The following SECISBP2 variants were observed in gnomAD, a reference collection of about 807,000 sequenced individuals.
SECISBP2 encodes SECIS binding protein 2, also known as selenocysteine insertion sequence-binding protein 2.
Under a neutral mutation model 98.2 loss-of-function variants are expected in SECISBP2, and 96 were observed. That is an observed-to-expected ratio of 0.98 (90% CI 0.83 to 1.16). SECISBP2 has a LOEUF of 1.16. SECISBP2 is among the 50% of genes most tolerant of loss of function. The pLI is 0.00. For synonymous variants in SECISBP2, 407 were observed against 370.2 expected (o/e 1.10, Z -1.14); for missense variants, 1,046 against 1,022.9 (o/e 1.02, Z -0.31).
downstream of SECISBP2, chr9:89,364,591 T>C (rs986563306): frequency 6.3e-6 from 1 of 159,586 alleles, no homozygotes; most frequent in Admixed American, 5.7e-5. Context: ...GCCTTGAGCA[T>C]GGACTCTGGG....
Position 89,334,602 on chromosome 9 carries a change from T to G in SECISBP2, c.961T>G (p.Ser321Ala). The G allele has an allele frequency of 1.2e-6, 2 of 1,614,166 alleles. No homozygotes were observed. Among genetic ancestry groups the G allele is most frequent in the South Asian group, 2.2e-5 (2 of 91,084 alleles). The change falls in exon 7 of 17, where the codon TCT (serine) becomes GCT (alanine). Residue 321 changes from serine to alanine, a missense_variant. Ser to Ala is a moderately conservative substitution (Grantham distance 99). Transcript: ENST00000375807. ...GTCAGCAGCCCCTAAAAATGTTACT[T>G]CTATGATAAACTTAAAGACCATTGC... ...ELSAAPKNVT[S>A]MINLKTIASS...
chr9:89,357,828 C>T (rs193120360), intron 15 of SECISBP2, among the ~76,000 whole-genome samples, 171 bp from the exon 16 acceptor site: 2 of 152,280 alleles, frequency 1.3e-5, no homozygotes, highest in Admixed American at 1.3e-4. Flanking sequence ...AGAAGTCGGC[C>T]TAGCCCACTC....
intron 3 of SECISBP2, 64 bp from the exon 4 acceptor site, chr9:89,325,833 G>T (rs1416591712): frequency 1.0e-5 from 16 of 1,604,322 alleles, no homozygotes; most frequent in Non-Finnish European, 1.4e-5. Context: ...TTAATATTTT[G>T]CTGCTTTAAA....
chr9:89,335,722 CTT>C (rs1411907152), intron 7 of SECISBP2, among the ~76,000 whole-genome samples: 1 of 152,164 alleles, frequency 6.6e-6, no homozygotes, highest in African/African-American at 2.4e-5. Flanking sequence ...TGTACTTACA[CTT>C]TGAATAAAAA....
At chr9:89,347,165 T>C in intron 11 of SECISBP2, 117 bp downstream of exon 11, 1 of 1,068,282 alleles carries the variant, frequency 9.4e-7, no homozygotes, top group Non-Finnish European at 1.4e-6. Context: ...TTGAATATGT[T>C]GTAGTAAAAC....
In SECISBP2 at chr9:89,321,319, A is replaced by G. The variant is rs186380682; in HGVS notation, c.182+1522A>G. Among the ~76,000 whole-genome samples, 430 of 152,398 alleles carry G rather than the reference A, an allele frequency of 2.8e-3. 4 individuals carry two copies. Among genetic ancestry groups the G allele is most frequent in the African/African-American group, 9.7e-3 (403 of 41,604 alleles). ...ATGGCTAAAGGAACATTTTGGCAGTAACATGAGTGGAGACTAATCAGAGAC... is the reference window on the plus strand; with the variant it reads ...ATGGCTAAAGGAACATTTTGGCAGTGACATGAGTGGAGACTAATCAGAGAC... On this transcript the variant is annotated intron_variant, in intron 2 of 16. Transcript: ENST00000375807.
chr9:89,357,270 TCCTTGTATTTTCAGGGGCGTCTG>T, intron 14 of SECISBP2, 118 bp from the exon 15 acceptor site: 1 of 879,802 alleles, frequency 1.1e-6, no homozygotes, highest in South Asian at 1.4e-5. Flanking sequence ...ACTTGCTTTC[TCCTTGTATTTTCAGGGGCGTCTG>T]CCTTGGATAT....
chr9:89,340,494 A>G (rs1291578410), intron 9 of SECISBP2, among the ~76,000 whole-genome samples: 1 of 152,240 alleles, frequency 6.6e-6, no homozygotes, highest in Non-Finnish European at 1.5e-5. Context: ...TTGCTAGGAT[A>G]TTCATTGTCG....
At chr9:89,321,474 G>T (rs1023234502) in intron 2 of SECISBP2, among the ~76,000 whole-genome samples, 2 of 151,898 alleles carry the variant, frequency 1.3e-5, no homozygotes, top group Non-Finnish European at 2.9e-5. Context: ...AGACGAGCCT[G>T]ACCAACATGG....
At chr9:89,320,047 G>A (rs887406199) in intron 2 of SECISBP2, among the ~76,000 whole-genome samples, 1 of 151,952 alleles carries the variant, frequency 6.6e-6, no homozygotes, top group Non-Finnish European at 1.5e-5. Flanking sequence ...AGACTGCATT[G>A]CATTTGTTAA....
chr9:89,361,686 C>T (rs998397827), downstream of SECISBP2: 1 of 152,216 alleles, frequency 6.6e-6, no homozygotes, highest in African/African-American at 2.4e-5. Context: ...TGTCCTGTTG[C>T]AGAAGCTGAG....
chr9:89,348,260 A>G (rs1353870870), intron 12 of SECISBP2, 46 bp downstream of exon 12: 2 of 1,610,316 alleles, frequency 1.2e-6, no homozygotes, highest in Non-Finnish European at 8.5e-7. Flanking sequence ...AACGAGAGCA[A>G]CTATGAAAAG....
At chr9:89,354,475 T>C (rs139974868) in intron 14 of SECISBP2, among the ~76,000 whole-genome samples, 1 of 152,304 alleles carries the variant, frequency 6.6e-6, no homozygotes, top group East Asian at 1.9e-4. Context: ...GGAAGTGTTG[T>C]CTACCAGGGG....
intron 1 of SECISBP2, chr9:89,318,853 C>T: frequency 3.2e-6 from 4 of 1,265,646 alleles, no homozygotes; most frequent in South Asian, 2.8e-5. Flanking sequence ...GCGATGTCAC[C>T]CAGCGCAGTG....
At chr9:89,363,427 TA>T (rs1324419818), downstream of SECISBP2, 1 of 1,612,402 alleles carries the variant, frequency 6.2e-7, no homozygotes, top group Admixed American at 1.7e-5. Flanking sequence ...TGCGGCCACT[TA>T]CCCACGCCTT....
At chr9:89,363,235 C>T (rs554256722), downstream of SECISBP2, among the ~76,000 whole-genome samples, 59 of 152,058 alleles carry the variant, frequency 3.9e-4, no homozygotes, top group Non-Finnish European at 8.4e-4. Flanking sequence ...GCCCCTTGAT[C>T]TCCTGCAGTC....
chr9:89,341,252 A>G, intron 9 of SECISBP2, 95 bp from the exon 10 acceptor site: 6 of 1,250,860 alleles, frequency 4.8e-6, no homozygotes, highest in African/African-American at 1.5e-5. Context: ...TATAGTCTCA[A>G]TCTTTTTCAT....
downstream of SECISBP2, chr9:89,363,481 C>A (rs1281005890): frequency 6.2e-7 from 1 of 1,614,106 alleles, no homozygotes; most frequent in Non-Finnish European, 8.5e-7. Context: ...CAGCCACAGC[C>A]CTCCAGGCAG....
chr9:89,354,716 G>A, intron 14 of SECISBP2: 1 of 964,286 alleles, frequency 1.0e-6, no homozygotes, highest in Non-Finnish European at 1.2e-6. Flanking sequence ...CTGACAGGCA[G>A]CCTCGAGAGG....
Sources: allele counts gnomAD v4.1 joint callset (sites outside exome capture counted in the v4.1 genomes callset), GRCh38; gene constraint gnomAD v4.1.1; transcripts MANE v1.5; gene names NCBI Gene and HGNC (gene_info 2026-07-23, HGNC 2026-07-21).